The following SLC2A11 variants were observed in gnomAD, a reference collection of about 807,000 sequenced individuals.
SLC2A11 encodes solute carrier family 2 member 11, also known as solute carrier family 2, facilitated glucose transporter member 11.
Under a neutral mutation model 52.1 loss-of-function variants are expected in SLC2A11, and 43 were observed. That is an observed-to-expected ratio of 0.82 (90% CI 0.65 to 1.06). The LOEUF is 1.06. SLC2A11 is among the 50% of genes least tolerant of loss of function. The pLI is 0.00. For missense variants in SLC2A11, 582 were observed against 654.2 expected (o/e 0.89, Z 1.20); for synonymous variants, 261 against 277.6 (o/e 0.94, Z 0.59).
At chr22:23,882,907 G>C (rs771321472) in intron 8 of SLC2A11, 38 bp downstream of exon 8, 1 of 1,561,052 alleles carries the variant, frequency 6.4e-7, no homozygotes. Flanking sequence ...CCAGCCCTGT[G>C]GGGAGGGACC....
intron 1 of SLC2A11, among the ~76,000 whole-genome samples, chr22:23,859,265 GAA>G (rs781313748): frequency 1.3e-5 from 2 of 152,230 alleles, no homozygotes; most frequent in African/African-American, 2.4e-5. Context: ...CAGCCTTAGA[GAA>G]AGTTACTTAG....
Position 23,869,730 on chromosome 22 carries a change from C to CA in SLC2A11, c.290+1090dup. ...CTGAGACTGGATAATGTATAAAGAACAGAAATTTACTTTCTCACAGTTCTG... is the reference window on the plus strand; with the variant it reads ...CTGAGACTGGATAATGTATAAAGAACAAGAAATTTACTTTCTCACAGTTCTG... On this transcript the variant is annotated intron_variant, in intron 3 of 11. Transcript: ENST00000316185. 4 of 437,350 alleles carry CA rather than the reference C, an allele frequency of 9.1e-6. No individual in the cohort carries two copies. In the South Asian group the frequency reaches 1.7e-4, roughly 19 times the overall value. The allele number at this position is 437,350 out of a possible 1,614,324, so 27.1% of individuals were successfully genotyped here. A position where few individuals can be genotyped will look rare whatever the true frequency, so the allele number is the denominator to read the frequency against.
At chr22:23,878,518 A>G (rs1555886665) in intron 6 of SLC2A11, among the ~76,000 whole-genome samples, 1 of 152,222 alleles carries the variant, frequency 6.6e-6, no homozygotes, top group Non-Finnish European at 1.5e-5. Context: ...AAGCAAATCC[A>G]GTTGCATAAG....
chr22:23,882,243 G>C, intron 6 of SLC2A11: 1 of 578,874 alleles, frequency 1.7e-6, no homozygotes, highest in South Asian at 2.2e-5. Context: ...TTGAGAGGCA[G>C]AGAGAGAAAC....
At chr22:23,864,377 G>A (rs895316658) in intron 2 of SLC2A11, among the ~76,000 whole-genome samples, 2 of 152,060 alleles carry the variant, frequency 1.3e-5, no homozygotes, top group Non-Finnish European at 2.9e-5. Context: ...GCTGGAGTGC[G>A]ATGGCGTGAT....
chr22:23,883,222 A>G (rs2032890206), intron 8 of SLC2A11: 2 of 385,098 alleles, frequency 5.2e-6, no homozygotes, highest in Non-Finnish European at 1.0e-5. Flanking sequence ...AGATGGTGCC[A>G]TTGCACTCCA....
At chr22:23,868,440 G>T (rs755969859) in intron 2 of SLC2A11, 41 bp from the exon 3 acceptor site, 2 of 1,609,134 alleles carry the variant, frequency 1.2e-6, no homozygotes, top group East Asian at 4.5e-5. Context: ...GCACCCCCAC[G>T]CCACCATCCC....
intron 1 of SLC2A11, among the ~76,000 whole-genome samples, chr22:23,861,697 A>T (rs974651338): frequency 2.0e-5 from 3 of 152,168 alleles, no homozygotes; most frequent in African/African-American, 7.2e-5. Context: ...CTGTTGGAGA[A>T]GGTTTTCCTG....
chr22:23,883,468 T>A, intron 8 of SLC2A11: 2 of 412,386 alleles, frequency 4.8e-6, no homozygotes, highest in Non-Finnish European at 8.7e-6. Context: ...TGAGACCCTG[T>A]CTCAGCTCAG....
chr22:23,877,223 G>C (rs1490464378), intron 5 of SLC2A11, 52 bp downstream of exon 5: 1 of 1,574,046 alleles, frequency 6.4e-7, no homozygotes. Flanking sequence ...ACCAGTAAAA[G>C]CGTTTCTTCA....
intron 3 of SLC2A11, chr22:23,870,143 G>T (rs770499774): frequency 6.0e-5 from 40 of 662,204 alleles, no homozygotes; most frequent in Non-Finnish European, 8.0e-5. Flanking sequence ...TCTGCACCGT[G>T]GGGAGTAGGG....
In SLC2A11 at chr22:23,883,966, ACT is replaced by A. The variant is rs776771652; in HGVS notation, c.1116_1117del (p.Tyr373ProfsTer30). 15 of 1,612,624 alleles carry A rather than the reference ACT, an allele frequency of 9.3e-6. No individual in the cohort carries two copies. The South Asian group carries it at 1.3e-4, about 14-fold the overall frequency. On this transcript the variant is annotated frameshift_variant, in exon 10 of 12. Transcript: ENST00000316185. LOFTEE classifies it high-confidence loss of function. ...LCLQSSFPWT[L>X]YLAMACIFAF... ...CACGGCAGAGCTCCTTCCCCTGGAC[ACT>A]CTACCTGGCCATGGCCTGCATCTTT... is the stretch of plus-strand genomic sequence containing the variant.
At chr22:23,876,989 G>A in intron 4 of SLC2A11, 53 bp from the exon 5 acceptor site, 1 of 1,612,538 alleles carries the variant, frequency 6.2e-7, no homozygotes, top group Non-Finnish European at 8.5e-7. Context: ...TGGGTGTCGT[G>A]GAGTGGGGGT....
At chr22:23,882,948 C>A in intron 8 of SLC2A11, 79 bp downstream of exon 8, 2 of 1,290,436 alleles carry the variant, frequency 1.5e-6, no homozygotes, top group Non-Finnish European at 2.2e-6. Context: ...CCAGTTTACA[C>A]TCCAGCTTAT....
chr22:23,869,764 G>T (rs1368536504), intron 3 of SLC2A11: 1 of 515,550 alleles, frequency 1.9e-6, no homozygotes, highest in Non-Finnish European at 3.4e-6. Flanking sequence ...TGGAGGCTGT[G>T]AAGTCCAAGA....
chr22:23,884,819 C>G lies in SLC2A11; in HGVS notation c.1470C>G (p.Ser490Arg), dbSNP rs1260216456. 1 of 1,614,164 alleles carries G rather than the reference C, an allele frequency of 6.2e-7. No homozygotes were observed. Among genetic ancestry groups the G allele is most frequent in the African/African-American group, 1.3e-5 (1 of 75,042 alleles). The change falls in exon 12 of 12, where the codon AGC becomes AGG. Residue 490 changes from serine to arginine, a missense_variant. Physicochemically the swap from Ser to Arg is moderately radical, Grantham distance 110. Transcript: ENST00000316185. This position sits in a 1 kb window ranked among gnomAD's most constrained non-coding sequence, Gnocchi z 4.3. The stretch of plus-strand genomic sequence containing the variant: ...GGGCCCAGGGCCCCACGTGGAGGAG[C>G]CTGGAGGTTATCCAGTCAACAGAAC... ...PRRAQGPTWR[S>R]LEVIQSTEL
chr22:23,884,633 CT>C lies in SLC2A11; in HGVS notation c.1300-10del. Reference sequence around the variant, plus strand: ...ATGGAGACACACCAGGTCTTGGGGTCTTTTTTAATCCGCAGGAGGCCTTGTC... The same window carrying C: ...ATGGAGACACACCAGGTCTTGGGGTCTTTTTAATCCGCAGGAGGCCTTGTC... On this transcript the variant is annotated splice_polypyrimidine_tract_variant and intron_variant, in intron 11 of 11. Transcript: ENST00000316185. This position sits in a 1 kb window ranked among gnomAD's most constrained non-coding sequence, Gnocchi z 4.3. 8.1e-6 allele frequency: 13 copies of C among 1,607,310 alleles called. No homozygotes were observed. The highest frequency in any genetic ancestry group is 1.1e-5 in the Non-Finnish European group (13 of 1,176,690).
At position 23,882,880 on chromosome 22, in the gene SLC2A11, A is replaced by T. The variant is rs758642966; in HGVS notation, c.993+11A>T. The T allele has an allele frequency of 6.2e-7, 1 of 1,604,408 alleles. No individual in the cohort carries two copies. The highest frequency in any genetic ancestry group is 1.7e-5 in the Admixed American group (1 of 58,980). On this transcript the variant is annotated intron_variant, in intron 8 of 11. Transcript: ENST00000316185. ...ACGGCGGTTGTTAGTGTGAGTCTGG[A>T]GGGTGCCCTTCCTCCACCAGCCCTG...
chr22:23,857,735 A>G (rs1363270516), upstream of SLC2A11: 2 of 1,280,738 alleles, frequency 1.6e-6, no homozygotes, highest in Non-Finnish European at 2.1e-6. Context: ...CTTGAGTCTC[A>G]GGCCTTAGTC....
Sources: allele counts gnomAD v4.1 joint callset (sites outside exome capture counted in the v4.1 genomes callset), GRCh38; gene constraint gnomAD v4.1.1; non-coding constraint Gnocchi (gnomAD v3.1); transcripts MANE v1.5; gene names NCBI Gene and HGNC (gene_info 2026-07-23, HGNC 2026-07-21).